The following MAP3K10 variants were observed in gnomAD, a reference collection of about 807,000 sequenced individuals.
MAP3K10 encodes the protein mitogen-activated protein kinase kinase kinase 10, also known as MKN28 derived nonreceptor_type serine/threonine kinase.
In MAP3K10, 22 loss-of-function variants were observed where a neutral mutation model predicts 75.0. The observed-to-expected ratio is 0.29, with a 90% CI of 0.21 to 0.42. The LOEUF is 0.42. Ranked by LOEUF, MAP3K10 falls within the 10% of genes least tolerant of loss-of-function variation. The probability of loss-of-function intolerance (pLI) is 1.00; values close to 1 mark genes in which losing one functional copy is unlikely to be tolerated. For synonymous variants in MAP3K10, 599 were observed against 612.9 expected, an observed-to-expected ratio of 0.98 and a Z score of 0.34; for missense variants, 1,165 against 1,379.8, an observed-to-expected ratio of 0.84 and a Z score of 2.47.
At position 40,198,781 on chromosome 19, in the gene MAP3K10, G is replaced by C. The variant is rs555573605; in HGVS notation, c.863+226G>C. ...GAATAAAAAGCTCATAGGATCTAGA[G>C]ACAAGGCCGGGCGCGGGGGCGCACA... On this transcript the variant is annotated intron_variant, in intron 2 of 9. Transcript: ENST00000253055. The surrounding 1 kb of genome is among the most constrained non-coding windows in gnomAD (Gnocchi z 4.3). 2.0e-5 allele frequency among the ~76,000 whole-genome samples: 3 copies of C among 152,350 alleles called. No individual in the cohort carries two copies. In the South Asian group the frequency reaches 6.2e-4, roughly 32 times the overall value.
Position 40,205,777 on chromosome 19 carries a change from G to A in MAP3K10, c.1189-134G>A, listed in dbSNP as rs139758383. The A allele has an allele frequency of 8.7e-5, 82 of 945,806 alleles. No individual in the cohort carries two copies. Among genetic ancestry groups the A allele is most frequent in the African/African-American group, 7.1e-4 (42 of 59,562 alleles). The allele number at this position is 945,806 out of a possible 1,614,324, so 58.6% of individuals were successfully genotyped here. A position where few individuals can be genotyped will look rare whatever the true frequency, so the allele number is the denominator to read the frequency against. ...CAGCTTGGCTAGCAAAGCATGAGTC[G>A]GGTGGTGAAACCAGTGTACCCCACA... is the stretch of plus-strand genomic sequence containing the variant. On this transcript the variant is annotated intron_variant, in intron 4 of 9. Coordinates refer to ENST00000253055, the MANE Select transcript of MAP3K10 (RefSeq NM_002446.4). The surrounding 1 kb of genome is among the most constrained non-coding windows in gnomAD (Gnocchi z 4.3).
In MAP3K10 at chr19:40,205,397, C is replaced by A; in HGVS notation, c.1188+101C>A. 1.5e-6 allele frequency: 2 copies of A among 1,298,532 alleles called. No homozygotes were observed. The highest frequency in any genetic ancestry group is 1.1e-6 in the Non-Finnish European group (1 of 930,338). 80.4% of individuals were successfully genotyped at this position (1,298,532 alleles called of 1,614,324 possible). ...CTCCCCTGAACCCCAGCCTTTGGGT[C>A]CATGCAGGGTCAAGGGAGCCTTTTT... On this transcript the variant is annotated intron_variant, in intron 4 of 9. Coordinates refer to ENST00000253055, the MANE Select transcript of MAP3K10 (RefSeq NM_002446.4). The surrounding 1 kb of genome is among the most constrained non-coding windows in gnomAD (Gnocchi z 4.3).
chr19:40,204,619 C>T lies in MAP3K10; in HGVS notation c.998C>T (p.Ala333Val). Residue 333 changes from alanine (A) to valine (V), a missense_variant, in exon 3 of 10, where the codon GCC becomes GTC. Ala to Val is a moderately conservative substitution (Grantham distance 64, BLOSUM62 0). Transcript: ENST00000253055. This position sits in a 1 kb window ranked among gnomAD's most constrained non-coding sequence, Gnocchi z 4.3. ...CCCTCCACGTGCCCCGAGCCCTTTG[C>T]CCGCCTCCTGGAGGGTGAGCCGGGG... ...PIPSTCPEPF[A>V]RLLEECWDPD... 1 of 1,612,428 alleles carries T rather than the reference C, an allele frequency of 6.2e-7. No homozygotes were observed. The highest frequency in any genetic ancestry group is 8.5e-7 in the Non-Finnish European group (1 of 1,179,168).
rs1359921529 is a variant in MAP3K10 at position 40,213,128 on chromosome 19, C to T, written c.1777C>T (p.Leu593=). The T allele has an allele frequency of 1.2e-6, 2 of 1,603,780 alleles. No individual in the cohort carries two copies. Among genetic ancestry groups the T allele is most frequent in the South Asian group, 1.1e-5 (1 of 88,996 alleles). ...SKQWSSSAPN[L]GKSPKHTPIA... ...ACAGTGGTCATCAAGTGCCCCCAAC[C>T]TGGGCAAGTCCCCCAAACACACACC... The change falls in exon 8 of 10, where the codon CTG becomes TTG. Residue 593 remains leucine, a synonymous_variant. Transcript: ENST00000253055. This position sits in a 1 kb window ranked among gnomAD's most constrained non-coding sequence, Gnocchi z 5.7.
At chr19:40,194,477 A>G (rs896290649) in intron 1 of MAP3K10, among the ~76,000 whole-genome samples, 9 of 152,184 alleles carry the variant, frequency 5.9e-5, no homozygotes, top group African/African-American at 2.2e-4. Context: ...GCCACCCAGC[A>G]TGCTCCTGTT....
chr19:40,194,127 G>C (rs886686619), intron 1 of MAP3K10, among the ~76,000 whole-genome samples: 1 of 152,148 alleles, frequency 6.6e-6, no homozygotes, highest in Non-Finnish European at 1.5e-5. Flanking sequence ...TTGGGAGGCC[G>C]ACGTGGGTGC....
At chr19:40,211,331 TTTTTAATTTTCA>T (rs1973235206) in intron 6 of MAP3K10, among the ~76,000 whole-genome samples, 1 of 151,736 alleles carries the variant, frequency 6.6e-6, no homozygotes, top group Admixed American at 6.6e-5. Flanking sequence ...TTTTTTTTTT[TTTTTAATTTTCA>T]TTTGACACCT....
chr19:40,209,340 T>C, intron 6 of MAP3K10, 121 bp downstream of exon 6: 1 of 634,266 alleles, frequency 1.6e-6, no homozygotes, highest in Non-Finnish European at 2.7e-6. Flanking sequence ...CAAGGCCCTT[T>C]TCCTCATTCT....
At chr19:40,211,044 G>A (rs1030344674) in intron 6 of MAP3K10, among the ~76,000 whole-genome samples, 3 of 152,334 alleles carry the variant, frequency 2.0e-5, no homozygotes, top group South Asian at 4.1e-4. Flanking sequence ...GAAGGGTTGC[G>A]ATTTTCCATC....
At position 40,212,903 on chromosome 19, in the gene MAP3K10, G is replaced by A. The variant is rs376246139; in HGVS notation, c.1651G>A (p.Gly551Arg). The change falls in exon 7 of 10, where the codon GGG (glycine) becomes AGG (arginine). Residue 551 changes from glycine to arginine, a missense_variant. Physicochemically the swap from Gly to Arg is moderately radical, Grantham distance 125. Transcript: ENST00000253055. This position sits in a 1 kb window ranked among gnomAD's most constrained non-coding sequence, Gnocchi z 4.2. ...GGPPKKEELV[G>R]GKKKGRTWGP... ...GCCCCCAAAGAAGGAAGAACTGGTC[G>A]GGGGCAAGAAGAAGGGACGAACGTG... 59 of 1,613,470 alleles carry A rather than the reference G, an allele frequency of 3.7e-5. No homozygotes were observed. The highest frequency in any genetic ancestry group is 3.1e-4 in the African/African-American group (23 of 75,040).
Position 40,213,628 on chromosome 19 carries a change from C to T in MAP3K10, c.1949C>T (p.Ala650Val), listed in dbSNP as rs1439479457. Residue 650 changes from alanine (A) to valine (V), a missense_variant, in exon 9 of 10, where the codon GCG becomes GTG. Physicochemically the swap from Ala to Val is moderately conservative, Grantham distance 64. Transcript: ENST00000253055. The surrounding 1 kb of genome is among the most constrained non-coding windows in gnomAD (Gnocchi z 5.7). The stretch of plus-strand genomic sequence containing the variant: ...GCCGAGCCCTCCCCGGGGGCGCGGG[C>T]GCCGTGGGAGCCGACGCCGTCCGCG... ...LPAEPSPGAR[A>V]PWEPTPSAPP... 5.3e-6 allele frequency: 8 copies of T among 1,518,764 alleles called. No individual in the cohort carries two copies. The highest frequency in any genetic ancestry group is 1.2e-5 in the South Asian group (1 of 83,442). The allele number at this position is 1,518,764 out of a possible 1,614,324, so 94.1% of individuals were successfully genotyped here. A position where few individuals can be genotyped will look rare whatever the true frequency, so the allele number is the denominator to read the frequency against.
rs1973145435 is a variant in MAP3K10 at position 40,207,494 on chromosome 19, T to C, written c.1435+1337T>C. ...CTCACGTCTGTAATCCCAGCACTTT[T>C]TGGGGCTAAGACGGGCAGATCACCT... On this transcript the variant is annotated intron_variant, in intron 5 of 9. Transcript: ENST00000253055. Among the ~76,000 whole-genome samples the C allele has an allele frequency of 2.6e-5, 4 of 152,138 alleles. No individual in the cohort carries two copies. In the South Asian group the frequency reaches 8.3e-4, roughly 32 times the overall value.
intron 2 of MAP3K10, among the ~76,000 whole-genome samples, chr19:40,201,557 G>A (rs994075233): frequency 8.5e-5 from 12 of 141,356 alleles, no homozygotes; most frequent in Non-Finnish European, 1.5e-4. Context: ...CAGTGATGCC[G>A]TCACAAATCA....
intron 1 of MAP3K10, among the ~76,000 whole-genome samples, chr19:40,194,455 A>G (rs1343079116): frequency 6.6e-6 from 1 of 152,020 alleles, no homozygotes; most frequent in Non-Finnish European, 1.5e-5. Flanking sequence ...ATGTTGGGTA[A>G]ATGGAGGCAG....
chr19:40,215,033 G>A lies in MAP3K10; in HGVS notation c.2606G>A (p.Arg869His), dbSNP rs200620669. The change falls in exon 10 of 10, where the codon CGC (arginine) becomes CAC (histidine). Residue 869 changes from arginine (R) to histidine (H), a missense_variant. Around this residue, in one of 2 missense-constraint regions of MAP3K10, gnomAD observed 590 missense variants for 586.6 expected, o/e 1.01. Coordinates refer to ENST00000253055, the MANE Select transcript of MAP3K10 (RefSeq NM_002446.4). ...PDPQALFPAR[R>H]RPPEFPGRPT... is the part of the protein sequence containing the mutation. Reference sequence around the variant, plus strand: ...CCCCAGGCCCTGTTCCCAGCCCGCCGCCGGCCCCCTGAGTTCCCAGGCCGC... The same window carrying A: ...CCCCAGGCCCTGTTCCCAGCCCGCCACCGGCCCCCTGAGTTCCCAGGCCGC... 4 of 1,173,690 alleles carry A rather than the reference G, an allele frequency of 3.4e-6. No individual in the cohort carries two copies. The highest frequency in any genetic ancestry group is 5.1e-5 in the East Asian group (1 of 19,444). The allele number at this position is 1,173,690 out of a possible 1,614,324, so 72.7% of individuals were successfully genotyped here. A position where few individuals can be genotyped will look rare whatever the true frequency, so the allele number is the denominator to read the frequency against.
Position 40,204,468 on chromosome 19 carries a change from C to G in MAP3K10, c.864-17C>G, listed in dbSNP as rs771212770. ...GGGTGGGCTGCGACATCACCCCTCCCTCTCCCCTGCCTGCAGCTTCGGGGT... is the reference window on the plus strand; with the variant it reads ...GGGTGGGCTGCGACATCACCCCTCCGTCTCCCCTGCCTGCAGCTTCGGGGT... On this transcript the variant is annotated splice_polypyrimidine_tract_variant and intron_variant, in intron 2 of 9. Transcript: ENST00000253055. This position sits in a 1 kb window ranked among gnomAD's most constrained non-coding sequence, Gnocchi z 4.3. 1.9e-6 allele frequency: 3 copies of G among 1,608,602 alleles called. No individual in the cohort carries two copies. The highest frequency in any genetic ancestry group is 2.7e-5 in the African/African-American group (2 of 74,988).
Position 40,214,506 on chromosome 19 carries a change from C to T in MAP3K10, c.2542+285C>T, listed in dbSNP as rs567001119. ...CTTACACAGCCTAGACACTGTTCTC[C>T]TCCATCTGTTAACTGGGTGGGAGAT... On this transcript the variant is annotated intron_variant, in intron 9 of 9. Transcript: ENST00000253055. 1.6e-4 allele frequency among the ~76,000 whole-genome samples: 25 copies of T among 152,352 alleles called. No homozygotes were observed. In the South Asian group the frequency reaches 3.3e-3, roughly 20 times the overall value.
Position 40,205,574 on chromosome 19 carries a change from G to A in MAP3K10, c.1188+278G>A, listed in dbSNP as rs371924999. The stretch of plus-strand genomic sequence containing the variant: ...AGAGAGGGCAAGAGGAGAGAAGGAC[G>A]GGGATACAAGATTCGCAAAGCATAG... On this transcript the variant is annotated intron_variant, in intron 4 of 9. Transcript: ENST00000253055. The surrounding 1 kb of genome is among the most constrained non-coding windows in gnomAD (Gnocchi z 4.3). 10 of 539,748 alleles carry A rather than the reference G, an allele frequency of 1.9e-5. No homozygotes were observed. Among genetic ancestry groups the A allele is most frequent in the African/African-American group, 1.3e-4 (7 of 53,312 alleles). The allele number at this position is 539,748 out of a possible 1,614,324, so 33.4% of individuals were successfully genotyped here.
chr19:40,192,148 G>C lies in MAP3K10; in HGVS notation c.117G>C (p.Arg39Ser), dbSNP rs757122193. ...GCGACGAGGAGCTGACCCTGCGGAG[G>C]GGCGATCGCGTCCAGGTGCTTTCCC... is the stretch of plus-strand genomic sequence containing the variant. ...AAGDEELTLRRGDRVQVLSQD... is the reference protein window; with the variant it reads ...AAGDEELTLRSGDRVQVLSQD... The change falls in exon 1 of 10, where the codon AGG becomes AGC. Residue 39 changes from arginine to serine, a missense_variant. Arg to Ser is a moderately radical substitution (Grantham distance 110). Around this residue, in one of 2 missense-constraint regions of MAP3K10, gnomAD observed 575 missense variants for 793.2 expected, o/e 0.72. Coordinates refer to ENST00000253055, the MANE Select transcript of MAP3K10 (RefSeq NM_002446.4). The surrounding 1 kb of genome is among the most constrained non-coding windows in gnomAD (Gnocchi z 7.1). 5.3e-5 allele frequency: 84 copies of C among 1,598,880 alleles called. No homozygotes were observed. The highest frequency in any genetic ancestry group is 6.8e-5 in the Non-Finnish European group (80 of 1,174,154).
Sources: allele counts gnomAD v4.1 joint callset (sites outside exome capture counted in the v4.1 genomes callset), GRCh38; gene constraint gnomAD v4.1.1; regional missense constraint gnomAD v4.1.1; non-coding constraint Gnocchi (gnomAD v3.1); transcripts MANE v1.5; gene names NCBI Gene and HGNC (gene_info 2026-07-23, HGNC 2026-07-21).